The following ATP2B1 variants were observed in gnomAD, a reference collection of about 807,000 sequenced individuals.
ATP2B1 encodes the protein plasma membrane calcium-transporting ATPase 1.
In ATP2B1, 14 loss-of-function variants were observed where a neutral mutation model predicts 124.2. That is an observed-to-expected ratio of 0.11 (90% CI 0.07 to 0.18). The LOEUF is 0.18. ATP2B1 is among the 10% of genes least tolerant of loss of function. ATP2B1 has a pLI of 1.00. For missense variants in ATP2B1, 763 were observed against 1,466.1 expected (o/e 0.52, Z 7.83); for synonymous variants, 449 against 492.4 (o/e 0.91, Z 1.17).
At chr12:89,665,657 A>G (rs1419850961) in intron 1 of ATP2B1, among the ~76,000 whole-genome samples, 1 of 152,240 alleles carries the variant, frequency 6.6e-6, no homozygotes, top group Non-Finnish European at 1.5e-5. Context: ...ACTGGTGTTG[A>G]AATTTTCAGC....
chr12:89,697,303 A>AT (rs2136806832), intron 1 of ATP2B1, among the ~76,000 whole-genome samples: 1 of 152,300 alleles, frequency 6.6e-6, no homozygotes, highest in South Asian at 2.1e-4. Context: ...AAGAAACCAA[A>AT]TAAGGCAATC....
chr12:89,694,933 T>G (rs1890959744), intron 1 of ATP2B1, among the ~76,000 whole-genome samples: 1 of 151,796 alleles, frequency 6.6e-6, no homozygotes, highest in African/African-American at 2.4e-5. Flanking sequence ...GGCACATGCC[T>G]ATAGTCCCAG....
chr12:89,655,968 T>A lies in ATP2B1; in HGVS notation c.-82A>T. ...GATGTATTTCCAAGATGAAAATCTT[T>A]TAAGTATGAAAATCTTTCTTAAACC... On this transcript the variant is annotated 5_prime_UTR_variant, in exon 2 of 21. The change abolishes the stop of an existing upstream ORF in the 5' untranslated region. Transcript: ENST00000428670. 7.1e-7 allele frequency: 1 copy of A among 1,398,788 alleles called. No homozygotes were observed. The highest frequency in any genetic ancestry group is 9.6e-7 in the Non-Finnish European group (1 of 1,037,952). The allele number at this position is 1,398,788 out of a possible 1,614,324, so 86.6% of individuals were successfully genotyped here.
chr12:89,619,818 G>C (rs1879672381), intron 11 of ATP2B1, among the ~76,000 whole-genome samples, 181 bp downstream of exon 11: 2 of 152,260 alleles, frequency 1.3e-5, no homozygotes, highest in South Asian at 2.1e-4. Flanking sequence ...AGAGAAGCTA[G>C]AGTGTGAAAA....
At chr12:89,679,340 A>G (rs1889061645) in intron 1 of ATP2B1, among the ~76,000 whole-genome samples, 1 of 152,184 alleles carries the variant, frequency 6.6e-6, no homozygotes, top group East Asian at 1.9e-4. Flanking sequence ...CCCTGGTCTA[A>G]GGCAACCAGT....
At chr12:89,591,446 T>A (rs1178962130) in intron 20 of ATP2B1, 151 bp from the exon 21 acceptor site, 12 of 652,254 alleles carry the variant, frequency 1.8e-5, no homozygotes, top group Non-Finnish European at 2.5e-5. Flanking sequence ...TGTAAAAAAA[T>A]GAATATTTTA....
At chr12:89,659,705 G>A (rs916938227) in intron 1 of ATP2B1, among the ~76,000 whole-genome samples, 7 of 152,006 alleles carry the variant, frequency 4.6e-5, no homozygotes, top group South Asian at 2.1e-4. Flanking sequence ...GGCGGATCAC[G>A]AGGTCAGGAG....
intron 2 of ATP2B1, among the ~76,000 whole-genome samples, chr12:89,647,148 T>C (rs1791458796): frequency 6.6e-6 from 1 of 152,146 alleles, no homozygotes. Flanking sequence ...TATAAGAAAA[T>C]ATAATGAGAA....
At chr12:89,596,679 G>GTTAC (rs1404425479) in intron 20 of ATP2B1, among the ~76,000 whole-genome samples, 1 of 152,002 alleles carries the variant, frequency 6.6e-6, no homozygotes, top group Non-Finnish European at 1.5e-5. Context: ...AATATTAAGT[G>GTTAC]GTAAATCCAG....
Position 89,604,151 on chromosome 12 carries a change from C to T in ATP2B1, c.2634+4G>A. 1 of 1,612,286 alleles carries T rather than the reference C, an allele frequency of 6.2e-7. No homozygotes were observed. Among genetic ancestry groups the T allele is most frequent in the Non-Finnish European group, 8.5e-7 (1 of 1,179,380 alleles). On this transcript the variant is annotated splice_donor_region_variant and intron_variant, in intron 16 of 20. Transcript: ENST00000428670. The stretch of plus-strand genomic sequence containing the variant: ...CAAGTTTTGATAGACAAGTCATCAC[C>T]TACTTGAGTAATGCAGGCGCCCGTA...
chr12:89,662,457 T>TC (rs1886828848), intron 1 of ATP2B1, among the ~76,000 whole-genome samples: 1 of 152,146 alleles, frequency 6.6e-6, no homozygotes, highest in Non-Finnish European at 1.5e-5. Context: ...AATTATTTCA[T>TC]TAAAATGCTT....
chr12:89,654,131 A>G (rs905896613), intron 2 of ATP2B1, among the ~76,000 whole-genome samples: 5 of 152,230 alleles, frequency 3.3e-5, no homozygotes, highest in African/African-American at 9.6e-5. Context: ...AAGATGCTAT[A>G]TAACATCTCA....
chr12:89,649,526 T>C (rs1350067297), intron 2 of ATP2B1, among the ~76,000 whole-genome samples: 2 of 152,202 alleles, frequency 1.3e-5, no homozygotes, highest in Non-Finnish European at 2.9e-5. Flanking sequence ...AACTGCATCT[T>C]GGAGTAAATA....
chr12:89,653,283 CTTTTTTTT>C (rs149270069), intron 2 of ATP2B1, among the ~76,000 whole-genome samples: 3 of 76,116 alleles, frequency 3.9e-5, no homozygotes, highest in African/African-American at 1.5e-4. Flanking sequence ...GAATTTTTTT[CTTTTTTTT>C]TTTTTTTTTT....
intron 9 of ATP2B1, 25 bp from the exon 10 acceptor site, chr12:89,621,816 T>C (rs757757378): frequency 3.1e-4 from 282 of 896,132 alleles, no homozygotes; most frequent in Non-Finnish European, 4.6e-4. Flanking sequence ...AAAAAAAAAC[T>C]AGTTAAGCTG....
At chr12:89,637,339 T>C (rs1882855046) in intron 3 of ATP2B1, among the ~76,000 whole-genome samples, 1 of 152,188 alleles carries the variant, frequency 6.6e-6, no homozygotes, top group Admixed American at 6.5e-5. Flanking sequence ...AGCCAACTTC[T>C]GAAATTAAAC....
In ATP2B1 at chr12:89,616,983, C is replaced by T. The variant is rs1188141026; in HGVS notation, c.1886G>A (p.Arg629His). Residue 629 changes from arginine (R) to histidine (H), a missense_variant, in exon 12 of 21, where the codon CGT becomes CAT. Around this residue, in one of 7 missense-constraint regions of ATP2B1, gnomAD observed 392 missense variants for 776.6 expected, o/e 0.50. Transcript: ENST00000428670. ...GEAKVFRPRD[R>H]DDIVKTVIEP... ...AATCACAGTTTTTACAATATCATCA[C>T]GGTCCCTTGGTCTGAATACTTTTGC... The T allele has an allele frequency of 3.7e-6, 6 of 1,614,056 alleles. No homozygotes were observed. Among genetic ancestry groups the T allele is most frequent in the South Asian group, 1.1e-5 (1 of 91,076 alleles).
intron 1 of ATP2B1, among the ~76,000 whole-genome samples, chr12:89,685,483 G>A (rs547787876): frequency 6.6e-6 from 1 of 151,978 alleles, no homozygotes; most frequent in South Asian, 2.1e-4. Flanking sequence ...TATGAAATCA[G>A]TGACTCTCAA....
At chr12:89,597,398 C>T (rs531827047) in intron 20 of ATP2B1, among the ~76,000 whole-genome samples, 1 of 152,246 alleles carries the variant, frequency 6.6e-6, no homozygotes, top group African/African-American at 2.4e-5. Flanking sequence ...GCGGCCTCTG[C>T]TTATTAGTCG....
Sources: gnomAD v4.1 joint callset for allele counts (sites outside exome capture counted in the v4.1 genomes callset) on GRCh38, gnomAD v4.1.1 for gene constraint, gnomAD v4.1.1 regional missense constraint, MANE v1.5 for transcripts, NCBI Gene and HGNC (gene_info 2026-07-23, HGNC 2026-07-21) for gene names.